The following LRCH1 variants were observed in gnomAD, a reference collection of about 807,000 sequenced individuals.
LRCH1 encodes the protein leucine-rich repeat and calponin homology domain-containing protein 1.
A neutral mutation model predicts 94.9 loss-of-function variants in LRCH1; 23 were observed. That is an observed-to-expected ratio of 0.24 (90% CI 0.17 to 0.34). The LOEUF (loss-of-function observed/expected upper bound fraction) is 0.34. Ranked by LOEUF, LRCH1 falls within the 10% of genes least tolerant of loss-of-function variation. The pLI is 1.00. For synonymous variants in LRCH1, 364 were observed against 354.9 expected, an observed-to-expected ratio of 1.03 and a Z score of -0.29; for missense variants, 790 against 945.9, an observed-to-expected ratio of 0.84 and a Z score of 2.16.
intron 1 of LRCH1, among the ~76,000 whole-genome samples, chr13:46,554,179 G>A (rs2137886480): frequency 6.6e-6 from 1 of 152,400 alleles, no homozygotes; most frequent in South Asian, 2.1e-4. Flanking sequence ...GCCCATCCTG[G>A]TGGGGAAACC....
chr13:46,701,086 T>C, intron 10 of LRCH1, 35 bp from the exon 11 acceptor site: 1 of 1,310,598 alleles, frequency 7.6e-7, no homozygotes, highest in Non-Finnish European at 1.1e-6. Flanking sequence ...GTTGTATTGA[T>C]CGTTTTCATT....
At position 46,723,369 on chromosome 13, in the gene LRCH1, G is replaced by T. The variant is rs1186770397; in HGVS notation, c.1869+39G>T. 2.2e-6 allele frequency: 3 copies of T among 1,378,738 alleles called. No homozygotes were observed. The African/African-American group carries it at 4.4e-5, about 20-fold the overall frequency. The allele number at this position is 1,378,738 out of a possible 1,614,324, so 85.4% of individuals were successfully genotyped here. ...ATTATGTAACTAAAGGAGAATTTAA[G>T]CAACATTCTACATTTTTGAGAAACA... On this transcript the variant is annotated intron_variant, in intron 17 of 19. Transcript: ENST00000389797.
chr13:46,606,044 C>A (rs1450214188), intron 1 of LRCH1, among the ~76,000 whole-genome samples: 4 of 152,100 alleles, frequency 2.6e-5, no homozygotes. Context: ...TTGCCTGACT[C>A]CAAACACAGC....
intron 1 of LRCH1, among the ~76,000 whole-genome samples, chr13:46,578,495 TG>T (rs1439362036): frequency 1.3e-5 from 2 of 150,970 alleles, no homozygotes; most frequent in Admixed American, 6.6e-5. Flanking sequence ...AGTAAGTCTT[TG>T]TCTGTCTGAT....
chr13:46,691,011 A>G (rs1352851529), intron 7 of LRCH1, among the ~76,000 whole-genome samples: 2 of 152,204 alleles, frequency 1.3e-5, no homozygotes, highest in Non-Finnish European at 2.9e-5. Flanking sequence ...GTGGAGCTCT[A>G]TGAATATTTG....
At chr13:46,599,332 T>G (rs2050600892) in intron 1 of LRCH1, among the ~76,000 whole-genome samples, 1 of 152,266 alleles carries the variant, frequency 6.6e-6, no homozygotes, top group Non-Finnish European at 1.5e-5. Flanking sequence ...TTTGAGACCC[T>G]GTTTTCAATT....
chr13:46,604,147 C>CT (rs571322815), intron 1 of LRCH1, among the ~76,000 whole-genome samples: 83 of 151,656 alleles, frequency 5.5e-4, no homozygotes, highest in Admixed American at 3.4e-3. Context: ...TAAATAACTA[C>CT]TTTTTTTTTG....
intron 2 of LRCH1, among the ~76,000 whole-genome samples, chr13:46,654,556 A>T (rs1201458955): frequency 1.3e-5 from 2 of 152,184 alleles, no homozygotes; most frequent in Non-Finnish European, 2.9e-5. Context: ...AGTAGTTATA[A>T]ATGGGATAGT....
chr13:46,631,333 T>C (rs1317397541), intron 1 of LRCH1, among the ~76,000 whole-genome samples: 1 of 152,210 alleles, frequency 6.6e-6, no homozygotes, highest in Non-Finnish European at 1.5e-5. Flanking sequence ...GCTTCCAAAC[T>C]TGTCTTGGGG....
At chr13:46,619,064 T>TTTCCTTCCTTCCTTCCTTCCTTCC (rs764734614) in intron 1 of LRCH1, among the ~76,000 whole-genome samples, 30 of 114,706 alleles carry the variant, frequency 2.6e-4, no homozygotes, top group South Asian at 6.0e-4. Flanking sequence ...TCTTTTCTTT[T>TTTCCTTCCTTCCTTCCTTCCTTCC]TTCCTTCCTT....
At chr13:46,730,848 G>A (rs747277314) in intron 18 of LRCH1, among the ~76,000 whole-genome samples, 18 of 152,126 alleles carry the variant, frequency 1.2e-4, no homozygotes, top group Admixed American at 8.5e-4. Flanking sequence ...AATGTACAAT[G>A]ATCATTTTAC....
At chr13:46,595,223 G>GT (rs2050546787) in intron 1 of LRCH1, among the ~76,000 whole-genome samples, 1 of 152,112 alleles carries the variant, frequency 6.6e-6, no homozygotes, top group African/African-American at 2.4e-5. Flanking sequence ...CAGATTATGT[G>GT]TTTTCTTTCT....
At chr13:46,580,802 G>A (rs2050356328) in intron 1 of LRCH1, among the ~76,000 whole-genome samples, 2 of 152,138 alleles carry the variant, frequency 1.3e-5, no homozygotes, top group African/African-American at 4.8e-5. Flanking sequence ...TGAGCTTTTG[G>A]AACAAAGAGG....
downstream of LRCH1, among the ~76,000 whole-genome samples, chr13:46,746,577 G>A (rs904611521): frequency 4.6e-5 from 7 of 152,126 alleles, no homozygotes; most frequent in East Asian, 3.9e-4. Flanking sequence ...CTACTGTCAC[G>A]TTCTCAACAA....
chr13:46,719,710 T>A (rs973641250), intron 16 of LRCH1, among the ~76,000 whole-genome samples: 1 of 152,232 alleles, frequency 6.6e-6, no homozygotes, highest in African/African-American at 2.4e-5. Context: ...CTTTAAATGT[T>A]ATTTATGCTG....
chr13:46,699,401 C>A lies in LRCH1; in HGVS notation c.1311C>A (p.Gly437=). 2 of 1,613,688 alleles carry A rather than the reference C, an allele frequency of 1.2e-6. No individual in the cohort carries two copies. Among genetic ancestry groups the A allele is most frequent in the Non-Finnish European group, 1.7e-6 (2 of 1,179,600 alleles). Residue 437 remains glycine, a splice_region_variant and synonymous_variant, in exon 10 of 20, where the codon GGC becomes GGA. Coordinates refer to ENST00000389797, the MANE Select transcript of LRCH1 (RefSeq NM_001164211.2). ...AGGATGTGCACTGGCAAACTGAGGG[C>A]ATGTGAGTGCCGAGGCCTTGGTTAC... ...IEEDVHWQTE[G]IISSSKDQDM...
At chr13:46,577,269 G>A (rs1354583212) in intron 1 of LRCH1, among the ~76,000 whole-genome samples, 4 of 151,948 alleles carry the variant, frequency 2.6e-5, no homozygotes, top group Admixed American at 6.6e-5. Context: ...GCTAATTTTT[G>A]TATCTTTTAG....
chr13:46,664,036 A>G (rs2051482950), intron 2 of LRCH1, among the ~76,000 whole-genome samples: 2 of 152,186 alleles, frequency 1.3e-5, no homozygotes, highest in African/African-American at 4.8e-5. Flanking sequence ...TTATAGGATT[A>G]TATGTTGTAG....
At chr13:46,696,195 TACACACACACACACACACACAC>T (rs10553999) in intron 9 of LRCH1, among the ~76,000 whole-genome samples, 3 of 147,094 alleles carry the variant, frequency 2.0e-5, no homozygotes, top group Non-Finnish European at 4.5e-5. Flanking sequence ...TGCATGTGTG[TACACACACACACACACACACAC>T]ACACACACAC....
Sources: allele counts gnomAD v4.1 joint callset (sites outside exome capture counted in the v4.1 genomes callset), GRCh38; gene constraint gnomAD v4.1.1; transcripts MANE v1.5; gene names NCBI Gene and HGNC (gene_info 2026-07-23, HGNC 2026-07-21).